The following IL4R variants were observed in gnomAD, a reference collection of about 807,000 sequenced individuals.
The protein encoded by IL4R is interleukin 4 receptor, also known as interleukin-4 receptor subunit alpha.
IL4R carries 17 observed loss-of-function variants against 41.5 expected under a neutral mutation model. The observed-to-expected ratio is 0.41, with a 90% CI of 0.28 to 0.61. IL4R has a LOEUF of 0.61. IL4R is among the 20% of genes least tolerant of loss of function. The pLI is 0.31. For missense variants in IL4R, 974 were observed against 1,043.1 expected, an observed-to-expected ratio of 0.93 and a Z score of 0.91; for synonymous variants, 402 against 422.9, an observed-to-expected ratio of 0.95 and a Z score of 0.61.
At position 27,332,685 on chromosome 16, in the gene IL4R, C is replaced by T. The variant is rs75516234; in HGVS notation, c.-19+2487C>T. On this transcript the variant is annotated intron_variant, in intron 2 of 10. Transcript: ENST00000395762. Reference sequence around the variant, plus strand: ...ATTTTTAATTTCATTGATGTATGCTCCAATTTTGTATTTTTTTCTTCTGCT... The same window carrying T: ...ATTTTTAATTTCATTGATGTATGCTTCAATTTTGTATTTTTTTCTTCTGCT... Among the ~76,000 whole-genome samples the T allele has an allele frequency of 9.7e-4, 147 of 151,678 alleles. 4 individuals carry two copies. The East Asian group carries it at 0.027, about 28-fold the overall frequency.
chr16:27,352,394 A>T (rs1228758525), intron 6 of IL4R, 146 bp from the exon 7 acceptor site: 1 of 629,696 alleles, frequency 1.6e-6, no homozygotes, highest in African/African-American at 1.8e-5. Context: ...AGAGGTGGCA[A>T]GCAATGGCCT....
At position 27,362,300 on chromosome 16, in the gene IL4R, C is replaced by T. The variant is rs2086323611; in HGVS notation, c.948C>T (p.His316=). 2 of 1,613,996 alleles carry T rather than the reference C, an allele frequency of 1.2e-6. No individual in the cohort carries two copies. The highest frequency in any genetic ancestry group is 8.5e-7 in the Non-Finnish European group (1 of 1,180,006). Residue 316 remains histidine (H), a synonymous_variant, in exon 11 of 11, where the codon CAC becomes CAT. Coordinates refer to ENST00000395762, the MANE Select transcript of IL4R (RefSeq NM_000418.4). ...LTKLLPCFLE[H]NMKRDEDPHK... ...AGCTCTTGCCCTGTTTTCTGGAGCA[C>T]AACATGAAAAGGGATGAAGATCCTC...
intron 2 of IL4R, among the ~76,000 whole-genome samples, chr16:27,337,766 G>C (rs2085303922): frequency 6.6e-6 from 1 of 151,270 alleles, no homozygotes; most frequent in East Asian, 2.0e-4. Context: ...TGTATTTTTG[G>C]TAGAGACAGG....
In IL4R at chr16:27,363,050, C is replaced by T. The variant is rs1303367123; in HGVS notation, c.1698C>T (p.Ala566=). 3.1e-6 allele frequency: 5 copies of T among 1,613,986 alleles called. No individual in the cohort carries two copies. The highest frequency in any genetic ancestry group is 2.5e-6 in the Non-Finnish European group (3 of 1,180,028). The change falls in exon 11 of 11, where the codon GCC becomes GCT. Residue 566 remains alanine (A), a synonymous_variant. Transcript: ENST00000395762. ...RNVLQHGAAA[A]PVSAPTSGYQ... ...TCCTCCAGCATGGGGCAGCTGCAGCCCCCGTCTCGGCCCCCACCAGTGGCT... is the reference window on the plus strand; with the variant it reads ...TCCTCCAGCATGGGGCAGCTGCAGCTCCCGTCTCGGCCCCCACCAGTGGCT...
At chr16:27,359,680 C>A in intron 9 of IL4R, 2 of 408,736 alleles carry the variant, frequency 4.9e-6, no homozygotes, top group Admixed American at 2.5e-5. Flanking sequence ...TTGCTTAATT[C>A]TCTGAGCCTC....
At chr16:27,358,331 A>G (rs757658491) in intron 8 of IL4R, among the ~76,000 whole-genome samples, 1 of 152,256 alleles carries the variant, frequency 6.6e-6, no homozygotes, top group Non-Finnish European at 1.5e-5. Flanking sequence ...GAAGGTGCTC[A>G]ATAAATATGT....
Position 27,343,408 on chromosome 16 carries a change from G to GTT in IL4R, c.209+1154_209+1155dup, listed in dbSNP as rs138181196. ...CAGAAACTGCATGGCCCTCCTTTAT[G>GTT]TTTTTTGTTTGTTTGTTTGTTTGTT... is the stretch of plus-strand genomic sequence containing the variant. On this transcript the variant is annotated intron_variant, in intron 4 of 10. Coordinates refer to ENST00000395762, the MANE Select transcript of IL4R (RefSeq NM_000418.4). Among the ~76,000 whole-genome samples the GTT allele has an allele frequency of 2.3e-3, 337 of 143,616 alleles. 2 individuals carry two copies. Among genetic ancestry groups the GTT allele is most frequent in the African/African-American group, 7.8e-3 (321 of 41,092 alleles). 94.2% of individuals were successfully genotyped at this position (143,616 alleles called of 152,430 possible). A position where few individuals can be genotyped will look rare whatever the true frequency, so the allele number is the denominator to read the frequency against.
chr16:27,356,461 G>A (rs2086083913), intron 8 of IL4R, among the ~76,000 whole-genome samples: 1 of 152,142 alleles, frequency 6.6e-6, no homozygotes. Flanking sequence ...CAAACAGGTG[G>A]TTTTCCATAG....
rs971066264 is a variant in IL4R at position 27,356,018 on chromosome 16, A to G, written c.770+111A>G. On this transcript the variant is annotated intron_variant, in intron 8 of 10. Coordinates refer to ENST00000395762, the MANE Select transcript of IL4R (RefSeq NM_000418.4). ...TCCTCTCAGTCAATAATACGCATTT[A>G]CTGAGCAGCTACTACACACCTTGAG... 22 of 677,568 alleles carry G rather than the reference A, an allele frequency of 3.2e-5. No individual in the cohort carries two copies. In the African/African-American group the frequency reaches 3.6e-4, roughly 11 times the overall value. 42.0% of individuals were successfully genotyped at this position (677,568 alleles called of 1,614,324 possible).
chr16:27,348,952 T>C lies in IL4R; in HGVS notation c.513+2334T>C, dbSNP rs533611943. Among the ~76,000 whole-genome samples, 30 of 152,300 alleles carry C rather than the reference T, an allele frequency of 2.0e-4. 1 individual carries two copies. The highest frequency in any genetic ancestry group is 7.0e-4 in the African/African-American group (29 of 41,562). On this transcript the variant is annotated intron_variant, in intron 6 of 10. Coordinates refer to ENST00000395762, the MANE Select transcript of IL4R (RefSeq NM_000418.4). ...TGGATTGGTCAGCATGCCTGGGCTA[T>C]GGCTTAGGGGTATGTTGGTGCTCAG...
At chr16:27,362,146 A>G in intron 10 of IL4R, 106 bp from the exon 11 acceptor site, 1 of 1,044,462 alleles carries the variant, frequency 9.6e-7, no homozygotes, top group Non-Finnish European at 1.4e-6. Flanking sequence ...GGCATGTCTG[A>G]AGTAGACAGC....
At chr16:27,353,613 T>C (rs1192654911) in intron 7 of IL4R, among the ~76,000 whole-genome samples, 2 of 152,168 alleles carry the variant, frequency 1.3e-5, no homozygotes, top group Admixed American at 1.3e-4. Context: ...CTGTCATTAC[T>C]GGGGTCTCTT....
intron 1 of IL4R, among the ~76,000 whole-genome samples, chr16:27,321,310 T>G (rs1350987736): frequency 6.6e-6 from 1 of 152,128 alleles, no homozygotes; most frequent in Non-Finnish European, 1.5e-5. Flanking sequence ...AGTGACCATC[T>G]CCCTCCAAAC....
intron 4 of IL4R, among the ~76,000 whole-genome samples, chr16:27,344,197 A>G (rs1359271754): frequency 1.3e-5 from 2 of 151,750 alleles, no homozygotes; most frequent in Admixed American, 1.3e-4. Flanking sequence ...CCCAGCTACT[A>G]GGGAGGCTGA....
chr16:27,342,353 G>A (rs1567319420), intron 4 of IL4R, 94 bp downstream of exon 4: 1 of 1,464,372 alleles, frequency 6.8e-7, no homozygotes, highest in Non-Finnish European at 9.5e-7. Context: ...CTGGAGTGCA[G>A]GATGCTGAGT....
intron 7 of IL4R, chr16:27,354,137 TC>T (rs1281069750): frequency 1.3e-5 from 2 of 152,194 alleles, no homozygotes; most frequent in African/African-American, 4.8e-5. Context: ...GGAACCTACA[TC>T]CCAGAAACAA....
At chr16:27,360,952 G>A (rs1161359282) in intron 10 of IL4R, 137 bp downstream of exon 10, 11 of 1,555,914 alleles carry the variant, frequency 7.1e-6, no homozygotes, top group East Asian at 4.6e-5. Flanking sequence ...TTCAAGGGAC[G>A]GCAGGAGGAG....
chr16:27,320,416 G>T (rs1402949474), intron 1 of IL4R, among the ~76,000 whole-genome samples: 1 of 152,210 alleles, frequency 6.6e-6, no homozygotes, highest in Non-Finnish European at 1.5e-5. Flanking sequence ...TGGCAGTGGA[G>T]GCTGGAGTCC....
At chr16:27,338,659 C>T (rs1232904139) in intron 2 of IL4R, among the ~76,000 whole-genome samples, 1 of 151,998 alleles carries the variant, frequency 6.6e-6, no homozygotes, top group East Asian at 1.9e-4. Flanking sequence ...CATGAGGGCT[C>T]TGTGGTTGGT....
Sources: allele counts gnomAD v4.1 joint callset (sites outside exome capture counted in the v4.1 genomes callset), GRCh38; gene constraint gnomAD v4.1.1; transcripts MANE v1.5; gene names NCBI Gene and HGNC (gene_info 2026-07-23, HGNC 2026-07-21).